BRINP3: variants seen among roughly 807,000 people sequenced by gnomAD.
BRINP3 encodes BMP/retinoic acid-inducible neural-specific protein 3.
BRINP3 carries 19 observed loss-of-function variants against 71.0 expected under a neutral mutation model. The observed-to-expected ratio is 0.27, with a 90% CI of 0.19 to 0.39. The LOEUF (loss-of-function observed/expected upper bound fraction) is 0.39, where lower values mean the gene tolerates loss of function less well. BRINP3 is among the 10% of genes least tolerant of loss of function. The probability of loss-of-function intolerance (pLI) is 1.00; values close to 1 mark genes in which losing one functional copy is unlikely to be tolerated. For synonymous variants in BRINP3, 380 were observed against 337.7 expected, an observed-to-expected ratio of 1.13 and a Z score of -1.37; for missense variants, 959 against 940.8, an observed-to-expected ratio of 1.02 and a Z score of -0.25.
At chr1:190,254,599 C>T (rs548595168) in intron 4 of BRINP3, among the ~76,000 whole-genome samples, 163 of 152,190 alleles carry the variant, frequency 1.1e-3, no homozygotes, top group African/African-American at 3.7e-3. Context: ...TATAGGAATG[C>T]TTGTGATTTT....
chr1:190,239,972 T>A (rs1217876717), intron 4 of BRINP3, among the ~76,000 whole-genome samples: 1 of 151,700 alleles, frequency 6.6e-6, no homozygotes, highest in East Asian at 1.9e-4. Flanking sequence ...TTTTAAATCA[T>A]CTTAGAATAC....
intron 7 of BRINP3, among the ~76,000 whole-genome samples, chr1:190,132,635 T>C (rs1401282210): frequency 6.6e-6 from 1 of 152,106 alleles, no homozygotes; most frequent in Admixed American, 6.6e-5. Flanking sequence ...GAATGTGCAT[T>C]TATTCAGAAC....
intron 2 of BRINP3, among the ~76,000 whole-genome samples, chr1:190,390,981 G>A (rs1247037734): frequency 6.6e-6 from 1 of 151,794 alleles, no homozygotes; most frequent in East Asian, 1.9e-4. Flanking sequence ...TAATTCTGAA[G>A]TTCTCAAAGA....
intron 7 of BRINP3, among the ~76,000 whole-genome samples, chr1:190,157,621 A>G (rs1280278227): frequency 6.6e-5 from 10 of 152,032 alleles, no homozygotes; most frequent in Non-Finnish European, 1.5e-4. Flanking sequence ...ATTGCTTTTA[A>G]CCTACATATA....
chr1:190,427,049 T>A (rs1301489123), intron 2 of BRINP3, among the ~76,000 whole-genome samples: 1 of 151,916 alleles, frequency 6.6e-6, no homozygotes, highest in Admixed American at 6.6e-5. Flanking sequence ...TATACTATTC[T>A]TTCTAGTGTT....
At chr1:190,449,738 G>C (rs1420931638) in intron 2 of BRINP3, among the ~76,000 whole-genome samples, 2 of 152,200 alleles carry the variant, frequency 1.3e-5, no homozygotes, top group Admixed American at 6.5e-5. Context: ...AGTGGTTTGG[G>C]CTTAATTATC....
At chr1:190,307,397 T>C (rs1015169863) in intron 2 of BRINP3, among the ~76,000 whole-genome samples, 1 of 146,888 alleles carries the variant, frequency 6.8e-6, no homozygotes, top group Non-Finnish European at 1.5e-5. Flanking sequence ...GCCTCTCAAA[T>C]AGCTGGAATT....
At chr1:190,383,931 A>G (rs1670713207) in intron 2 of BRINP3, among the ~76,000 whole-genome samples, 1 of 151,940 alleles carries the variant, frequency 6.6e-6, no homozygotes, top group Non-Finnish European at 1.5e-5. Context: ...TAACCCATTC[A>G]AACACTACAA....
intron 6 of BRINP3, among the ~76,000 whole-genome samples, chr1:190,162,192 T>C (rs1326203895): frequency 6.9e-6 from 1 of 145,590 alleles, no homozygotes; most frequent in Admixed American, 6.9e-5. Context: ...AAATAATAGA[T>C]GCATTTTTTT....
chr1:190,417,498 A>G (rs185853142), intron 2 of BRINP3, among the ~76,000 whole-genome samples: 1 of 152,226 alleles, frequency 6.6e-6, no homozygotes, highest in Admixed American at 6.5e-5. Flanking sequence ...TACTGATACA[A>G]TATTTTTGCT....
At chr1:190,371,251 G>T (rs1669847096) in intron 2 of BRINP3, among the ~76,000 whole-genome samples, 1 of 152,176 alleles carries the variant, frequency 6.6e-6, no homozygotes, top group Admixed American at 6.5e-5. Context: ...TAATTGCCCA[G>T]ATCAATGTTG....
intron 4 of BRINP3, among the ~76,000 whole-genome samples, chr1:190,247,409 T>A (rs1185646957): frequency 6.6e-6 from 1 of 152,048 alleles, no homozygotes; most frequent in Non-Finnish European, 1.5e-5. Context: ...GTGCCAGTAT[T>A]CCTAGCTATC....
intron 2 of BRINP3, among the ~76,000 whole-genome samples, chr1:190,290,371 T>C (rs1663765650): frequency 6.6e-6 from 1 of 152,120 alleles, no homozygotes; most frequent in South Asian, 2.1e-4. Context: ...ATCCAGATAT[T>C]TCAGCTATAA....
At chr1:190,139,678 G>T (rs1335091716) in intron 7 of BRINP3, among the ~76,000 whole-genome samples, 2 of 152,074 alleles carry the variant, frequency 1.3e-5, no homozygotes, top group African/African-American at 4.8e-5. Context: ...TGTAGGAAAG[G>T]AGCAAAAATG....
chr1:190,188,906 G>C (rs1093087), intron 6 of BRINP3, among the ~76,000 whole-genome samples: 55,959 of 151,734 alleles, frequency 0.37, 10,397 homozygotes, highest in Middle Eastern at 0.42. Flanking sequence ...AATTACAGGA[G>C]CTTCCCACAA....
intron 7 of BRINP3, among the ~76,000 whole-genome samples, chr1:190,148,593 C>T (rs1656106094): frequency 7.6e-6 from 1 of 130,884 alleles, no homozygotes; most frequent in African/African-American, 2.9e-5. Flanking sequence ...GAGACTCTGT[C>T]ACAAAATAAA....
intron 6 of BRINP3, among the ~76,000 whole-genome samples, chr1:190,182,311 T>A (rs373374787): frequency 3.3e-5 from 5 of 152,130 alleles, no homozygotes; most frequent in African/African-American, 9.6e-5. Flanking sequence ...AGGCTTCTGA[T>A]GACAAGAAAG....
intron 1 of BRINP3, chr1:190,475,671 C>T (rs1165762317): frequency 6.6e-6 from 1 of 152,202 alleles, no homozygotes; most frequent in Non-Finnish European, 1.5e-5. Flanking sequence ...GCAGAGTCGC[C>T]TGTTGATAAC....
chr1:190,228,090 T>C (rs1481269993), intron 5 of BRINP3, among the ~76,000 whole-genome samples: 1 of 151,972 alleles, frequency 6.6e-6, no homozygotes, highest in Non-Finnish European at 1.5e-5. Context: ...GTACTGTATT[T>C]GATCTAAGGC....
Sources: gnomAD v4.1 joint callset for allele counts (sites outside exome capture counted in the v4.1 genomes callset) on GRCh38, gnomAD v4.1.1 for gene constraint, MANE v1.5 for transcripts, NCBI Gene and HGNC (gene_info 2026-07-23, HGNC 2026-07-21) for gene names.